Variants in MYRIP observed in about 807,000 individuals in gnomAD.
MYRIP encodes the protein myosin VIIA and Rab interacting protein.
In MYRIP, 49 loss-of-function variants were observed where a neutral mutation model predicts 98.0. The observed-to-expected ratio is 0.50, with a 90% CI of 0.40 to 0.63. The LOEUF (loss-of-function observed/expected upper bound fraction) is 0.63. Ranked by LOEUF, MYRIP falls within the 30% of genes least tolerant of loss-of-function variation. The pLI is 0.00. For synonymous variants in MYRIP, 404 were observed against 409.5 expected, an observed-to-expected ratio of 0.99 and a Z score of 0.16; for missense variants, 1,004 against 1,058.2, an observed-to-expected ratio of 0.95 and a Z score of 0.71.
At chr3:40,180,881 G>C (rs771359868) in intron 8 of MYRIP, among the ~76,000 whole-genome samples, 2 of 152,178 alleles carry the variant, frequency 1.3e-5, no homozygotes, top group Non-Finnish European at 2.9e-5. Context: ...CAGACGCCCT[G>C]TATGTGAGGG....
At chr3:40,237,790 A>AT (rs1952863645) in intron 12 of MYRIP, among the ~76,000 whole-genome samples, 2 of 152,178 alleles carry the variant, frequency 1.3e-5, no homozygotes, top group Admixed American at 1.3e-4. Context: ...AAACAAATGT[A>AT]TTTTTTACAA....
chr3:40,023,897 T>C (rs919731210), intron 2 of MYRIP, among the ~76,000 whole-genome samples: 1 of 152,176 alleles, frequency 6.6e-6, no homozygotes. Flanking sequence ...TTTCACAGGA[T>C]GTAACAGGGT....
intron 10 of MYRIP, among the ~76,000 whole-genome samples, chr3:40,207,144 A>C (rs2693476): frequency 0.4 from 61,299 of 152,064 alleles, 15,015 homozygotes; most frequent in Non-Finnish European, 0.55. Context: ...AACGCTCTGC[A>C]GACTGACCCA....
intron 3 of MYRIP, among the ~76,000 whole-genome samples, chr3:40,124,384 C>A (rs1304281642): frequency 2.0e-5 from 3 of 152,214 alleles, no homozygotes; most frequent in Non-Finnish European, 2.9e-5. Context: ...ATCTTTACAG[C>A]CATGAATGGC....
chr3:40,017,081 A>G (rs966438188), intron 2 of MYRIP, among the ~76,000 whole-genome samples: 2 of 152,222 alleles, frequency 1.3e-5, no homozygotes, highest in South Asian at 2.1e-4. Flanking sequence ...TGAATTTACT[A>G]TTTAAAGCCA....
At chr3:40,190,550 G>T in intron 10 of MYRIP, 87 bp downstream of exon 10, 2 of 1,487,820 alleles carry the variant, frequency 1.3e-6, no homozygotes, top group Non-Finnish European at 1.8e-6. Flanking sequence ...AGAGTCCTGG[G>T]TTTGGAATCC....
At chr3:39,989,849 G>C (rs1946128969) in intron 2 of MYRIP, among the ~76,000 whole-genome samples, 1 of 152,210 alleles carries the variant, frequency 6.6e-6, no homozygotes. Flanking sequence ...AAGCTGTCCA[G>C]CCTCCCCAGC....
At chr3:40,179,401 T>C (rs1446231329) in intron 8 of MYRIP, among the ~76,000 whole-genome samples, 2 of 152,170 alleles carry the variant, frequency 1.3e-5, no homozygotes, top group South Asian at 2.1e-4. Flanking sequence ...AGAGGGACTT[T>C]TCATTTGTTA....
At chr3:39,889,354 A>G (rs1943415008) in intron 1 of MYRIP, among the ~76,000 whole-genome samples, 1 of 152,200 alleles carries the variant, frequency 6.6e-6, no homozygotes, top group Non-Finnish European at 1.5e-5. Context: ...CAGCCATAAA[A>G]AATGATGAGT....
At chr3:40,186,983 T>G (rs1018153603) in intron 9 of MYRIP, among the ~76,000 whole-genome samples, 6 of 152,212 alleles carry the variant, frequency 3.9e-5, no homozygotes, top group African/African-American at 1.4e-4. Flanking sequence ...AGCAAGCCAC[T>G]CTTCTGAATA....
At chr3:39,998,949 G>A (rs1946444426) in intron 2 of MYRIP, among the ~76,000 whole-genome samples, 1 of 152,204 alleles carries the variant, frequency 6.6e-6, no homozygotes, top group Non-Finnish European at 1.5e-5. Flanking sequence ...TTTAATAAAT[G>A]GGGCTGGGAA....
At chr3:40,173,551 T>G (rs997032575) in intron 8 of MYRIP, 1 of 152,348 alleles carries the variant, frequency 6.6e-6, no homozygotes, top group African/African-American at 2.4e-5. Flanking sequence ...TGTTCCCGTT[T>G]CAGCAGCAGG....
chr3:39,889,471 C>T lies in MYRIP; in HGVS notation c.-30-11316C>T, dbSNP rs147137402. On this transcript the variant is annotated intron_variant, in intron 1 of 16. Transcript: ENST00000302541. ...ACATATTCTCACTCATAGGTGGAAA[C>T]TGAACAATGAGAACACATGGACACA... Among the ~76,000 whole-genome samples the T allele has an allele frequency of 9.2e-3, 1,405 of 152,052 alleles. 26 individuals are homozygous for T. The highest frequency in any genetic ancestry group is 0.032 in the African/African-American group (1,323 of 41,462).
chr3:40,120,537 G>C (rs1267402917), intron 3 of MYRIP, among the ~76,000 whole-genome samples: 1 of 152,218 alleles, frequency 6.6e-6, no homozygotes, highest in Non-Finnish European at 1.5e-5. Context: ...GCTGGAGGAA[G>C]CTGGGATCAC....
At chr3:40,210,418 C>G (rs891375877) in intron 11 of MYRIP, among the ~76,000 whole-genome samples, 5 of 152,186 alleles carry the variant, frequency 3.3e-5, no homozygotes, top group African/African-American at 2.4e-5. Flanking sequence ...GCTCCACCCT[C>G]TCCCTGAGCA....
intron 8 of MYRIP, among the ~76,000 whole-genome samples, chr3:40,176,491 T>TG (rs1950761687): frequency 6.6e-6 from 1 of 152,180 alleles, no homozygotes. Flanking sequence ...GGCTCATGCC[T>TG]GTAATCCTAG....
intron 11 of MYRIP, chr3:40,232,719 A>C (rs1365577385): frequency 6.6e-6 from 1 of 152,192 alleles, no homozygotes; most frequent in Non-Finnish European, 1.5e-5. Flanking sequence ...GAACTCAAAA[A>C]TGCAGATAAT....
At chr3:40,243,447 A>T (rs1953089394) in intron 12 of MYRIP, among the ~76,000 whole-genome samples, 1 of 150,138 alleles carries the variant, frequency 6.7e-6, no homozygotes, top group African/African-American at 2.5e-5. Flanking sequence ...TGAGCTCTTG[A>T]CTCATCTTCA....
At chr3:40,010,921 T>A (rs1028534738) in intron 2 of MYRIP, among the ~76,000 whole-genome samples, 1 of 152,196 alleles carries the variant, frequency 6.6e-6, no homozygotes, top group Non-Finnish European at 1.5e-5. Flanking sequence ...TGCTCTTCTG[T>A]CTCAGAGTTA....
Sources: gnomAD v4.1 joint callset for allele counts (sites outside exome capture counted in the v4.1 genomes callset) on GRCh38, gnomAD v4.1.1 for gene constraint, MANE v1.5 for transcripts, NCBI Gene and HGNC (gene_info 2026-07-23, HGNC 2026-07-21) for gene names.